The following KIAA0319 variants were observed in gnomAD, a reference collection of about 807,000 sequenced individuals.
The protein encoded by KIAA0319 is dyslexia-associated protein KIAA0319.
Under a neutral mutation model 108.4 loss-of-function variants are expected in KIAA0319, and 83 were observed. That is an observed-to-expected ratio of 0.77 (90% CI 0.64 to 0.92). The LOEUF (loss-of-function observed/expected upper bound fraction) is 0.92. Ranked by LOEUF, KIAA0319 falls within the 40% of genes least tolerant of loss-of-function variation. The probability of loss-of-function intolerance (pLI) is 0.00; values close to 1 mark genes in which losing one functional copy is unlikely to be tolerated. For missense variants in KIAA0319, 1,195 were observed against 1,322.4 expected, an observed-to-expected ratio of 0.90 and a Z score of 1.49; for synonymous variants, 484 against 510.4, an observed-to-expected ratio of 0.95 and a Z score of 0.70.
chr6:24,634,968 G>A (rs924057807), intron 1 of KIAA0319, among the ~76,000 whole-genome samples: 1 of 152,194 alleles, frequency 6.6e-6, no homozygotes, highest in Non-Finnish European at 1.5e-5. Context: ...AGTCAATTAT[G>A]TATTTCTCTC....
chr6:24,587,950 C>T (rs1027469854), intron 4 of KIAA0319, among the ~76,000 whole-genome samples: 2 of 152,210 alleles, frequency 1.3e-5, no homozygotes, highest in African/African-American at 4.8e-5. Flanking sequence ...TTCAGGGATT[C>T]TCTATACCCA....
At position 24,559,170 on chromosome 6, in the gene KIAA0319, A is replaced by C; in HGVS notation, c.2592-15T>G. The C allele has an allele frequency of 6.2e-7, 1 of 1,610,930 alleles. No individual in the cohort carries two copies. The highest frequency in any genetic ancestry group is 8.5e-7 in the Non-Finnish European group (1 of 1,179,258). On this transcript the variant is annotated splice_polypyrimidine_tract_variant and intron_variant, in intron 16 of 20. Transcript: ENST00000378214. ...CAATCACGGTGCTGTGGAGGAGACA[A>C]TGAGAGAGGACAGCCACATGGTCAG...
chr6:24,625,513 A>T (rs1774580698), intron 1 of KIAA0319, among the ~76,000 whole-genome samples: 1 of 152,232 alleles, frequency 6.6e-6, no homozygotes, highest in Non-Finnish European at 1.5e-5. Context: ...CCCTAAGATC[A>T]GGAAGAAGAC....
intron 1 of KIAA0319, among the ~76,000 whole-genome samples, chr6:24,627,133 T>C (rs1203466982): frequency 1.3e-5 from 2 of 152,228 alleles, no homozygotes; most frequent in African/African-American, 4.8e-5. Context: ...TTTTCCATAA[T>C]GATAACATGT....
At chr6:24,580,063 G>A in intron 7 of KIAA0319, 113 bp from the exon 8 acceptor site, 3 of 793,146 alleles carry the variant, frequency 3.8e-6, no homozygotes, top group Non-Finnish European at 6.1e-6. Flanking sequence ...TCAAGAAGGT[G>A]TTTATCCTAC....
At chr6:24,640,452 A>T (rs1776771947) in intron 1 of KIAA0319, among the ~76,000 whole-genome samples, 4 of 152,226 alleles carry the variant, frequency 2.6e-5, no homozygotes, top group Admixed American at 2.6e-4. Context: ...GAGTGGTTCC[A>T]TATGGGTGTA....
At chr6:24,629,383 C>T (rs1290595797) in intron 1 of KIAA0319, among the ~76,000 whole-genome samples, 1 of 151,592 alleles carries the variant, frequency 6.6e-6, no homozygotes, top group African/African-American at 2.4e-5. Context: ...GGTGCGGTGG[C>T]AGGCGCCTGC....
Position 24,547,134 on chromosome 6 carries a change from G to C in KIAA0319, c.*31C>G. Reference sequence around the variant, plus strand: ...CCCACTGACTGGTCTTGGATTCAAGGGGTCCTTCCACTTTACAATGAACTG... The same window carrying C: ...CCCACTGACTGGTCTTGGATTCAAGCGGTCCTTCCACTTTACAATGAACTG... On this transcript the variant is annotated 3_prime_UTR_variant, in exon 21 of 21. Coordinates refer to ENST00000378214, the MANE Select transcript of KIAA0319 (RefSeq NM_014809.4). 1 of 1,610,126 alleles carries C rather than the reference G, an allele frequency of 6.2e-7. No individual in the cohort carries two copies. Among genetic ancestry groups the C allele is most frequent in the African/African-American group, 1.3e-5 (1 of 74,922 alleles).
chr6:24,540,957 G>C (rs1412686266), downstream of KIAA0319, among the ~76,000 whole-genome samples: 2 of 152,066 alleles, frequency 1.3e-5, no homozygotes, highest in Non-Finnish European at 2.9e-5. Context: ...GTGAGTGTTT[G>C]TACACCTCTA....
chr6:24,602,391 C>T (rs1562043962), intron 1 of KIAA0319, among the ~76,000 whole-genome samples: 1 of 137,726 alleles, frequency 7.3e-6, no homozygotes, highest in Middle Eastern at 3.6e-3. Context: ...TGCAGATGGC[C>T]ACATGCCAGG....
chr6:24,576,334 A>G, intron 10 of KIAA0319, 34 bp downstream of exon 10: 1 of 1,555,722 alleles, frequency 6.4e-7, no homozygotes, highest in Non-Finnish European at 8.9e-7. Flanking sequence ...ACAGACAGAC[A>G]GACAAAAGTC....
chr6:24,636,641 C>A (rs984532575), intron 1 of KIAA0319, among the ~76,000 whole-genome samples: 5 of 151,858 alleles, frequency 3.3e-5, no homozygotes, highest in Admixed American at 1.3e-4. Flanking sequence ...GGACAATGAC[C>A]CAAAGAAATC....
At chr6:24,572,276 A>G (rs893169264) in intron 11 of KIAA0319, among the ~76,000 whole-genome samples, 1 of 152,188 alleles carries the variant, frequency 6.6e-6, no homozygotes, top group Non-Finnish European at 1.5e-5. Context: ...CAAGCCACAC[A>G]TAAGAACCAG....
chr6:24,636,615 C>CA (rs965236623), intron 1 of KIAA0319, among the ~76,000 whole-genome samples: 3 of 151,838 alleles, frequency 2.0e-5, no homozygotes, highest in African/African-American at 2.4e-5. Context: ...TGATACTTTA[C>CA]AAAAAAACTG....
chr6:24,564,656 C>T (rs1489315914), intron 14 of KIAA0319, among the ~76,000 whole-genome samples: 2 of 152,180 alleles, frequency 1.3e-5, no homozygotes, highest in Non-Finnish European at 2.9e-5. Flanking sequence ...AGGGCAAGGA[C>T]GCTGAGAACA....
chr6:24,567,874 G>C (rs1764119208), intron 13 of KIAA0319, among the ~76,000 whole-genome samples: 1 of 152,094 alleles, frequency 6.6e-6, no homozygotes, highest in Non-Finnish European at 1.5e-5. Context: ...TTGTCCAGAA[G>C]GGGCTCTGGG....
At chr6:24,554,838 T>C (rs1638382438) in intron 18 of KIAA0319, among the ~76,000 whole-genome samples, 1 of 152,178 alleles carries the variant, frequency 6.6e-6, no homozygotes, top group African/African-American at 2.4e-5. Flanking sequence ...TTTTTATCTA[T>C]TGGGTTTCAG....
At chr6:24,586,980 C>T (rs201088683) in intron 4 of KIAA0319, among the ~76,000 whole-genome samples, 1 of 152,116 alleles carries the variant, frequency 6.6e-6, no homozygotes, top group East Asian at 1.9e-4. Flanking sequence ...ACCCCCCTCT[C>T]TCCCTGGATG....
intron 1 of KIAA0319, among the ~76,000 whole-genome samples, chr6:24,645,239 C>T (rs2038138): frequency 0.7 from 106,933 of 152,056 alleles, 38,152 homozygotes; most frequent in East Asian, 0.87. Context: ...AATAAAAGTG[C>T]ACATGAGTAT....
Sources: gnomAD v4.1 joint callset for allele counts (sites outside exome capture counted in the v4.1 genomes callset) on GRCh38, gnomAD v4.1.1 for gene constraint, MANE v1.5 for transcripts, NCBI Gene and HGNC (gene_info 2026-07-23, HGNC 2026-07-21) for gene names.